Variants in EPS8 observed in about 807,000 individuals in gnomAD.
The protein encoded by EPS8 is EGFR pathway substrate 8, signaling adaptor, also known as epidermal growth factor receptor kinase substrate 8.
In EPS8, 42 loss-of-function variants were observed where a neutral mutation model predicts 103.8. That is an observed-to-expected ratio of 0.40 (90% CI 0.32 to 0.52). EPS8 has a LOEUF of 0.52. EPS8 is among the 20% of genes least tolerant of loss of function. The pLI is 0.40. For missense variants in EPS8, 969 were observed against 1,005.1 expected, an observed-to-expected ratio of 0.96 and a Z score of 0.49; for synonymous variants, 344 against 344.6, an observed-to-expected ratio of 1.00 and a Z score of 0.02.
chr12:15,743,837 G>A (rs1252463343), intron 1 of EPS8, among the ~76,000 whole-genome samples: 3 of 152,138 alleles, frequency 2.0e-5, no homozygotes, highest in African/African-American at 7.2e-5. Context: ...ATACCATTCA[G>A]GCCATAGGCA....
At chr12:15,663,143 T>G (rs1049583987) in intron 8 of EPS8, among the ~76,000 whole-genome samples, 1 of 152,214 alleles carries the variant, frequency 6.6e-6, no homozygotes, top group Non-Finnish European at 1.5e-5. Flanking sequence ...AGCTGCTACC[T>G]TGGTTGTAGT....
chr12:15,676,168 G>T lies in EPS8; in HGVS notation c.136+5058C>A, dbSNP rs1227846689. On this transcript the variant is annotated intron_variant, in intron 3 of 20. Coordinates refer to ENST00000281172, the MANE Select transcript of EPS8 (RefSeq NM_004447.6). ...GGCGCCTGTAGTCCCAGCTACTCAG[G>T]AGGCTGAGACAGGAGAATGGCGTGA... Among the ~76,000 whole-genome samples, 5 of 150,214 alleles carry T rather than the reference G, an allele frequency of 3.3e-5. No individual in the cohort carries two copies. In the East Asian group the frequency reaches 5.9e-4, roughly 18 times the overall value.
intron 6 of EPS8, among the ~76,000 whole-genome samples, chr12:15,668,424 G>A (rs1945754848): frequency 6.6e-6 from 1 of 152,142 alleles, no homozygotes; most frequent in Admixed American, 6.5e-5. Context: ...TCATCAAAAT[G>A]TTAAATCACT....
intron 14 of EPS8, among the ~76,000 whole-genome samples, chr12:15,648,445 AG>A (rs1945357244): frequency 6.6e-6 from 1 of 152,190 alleles, no homozygotes; most frequent in South Asian, 2.1e-4. Flanking sequence ...AGTGATCAGG[AG>A]GAGGGCTGAG....
rs536360163 is a variant in EPS8 at position 15,731,785 on chromosome 12, G to A, written c.-21-48813C>T. Among the ~76,000 whole-genome samples, 2 of 152,154 alleles carry A rather than the reference G, an allele frequency of 1.3e-5. No individual in the cohort carries two copies. Among genetic ancestry groups the A allele is most frequent in the African/African-American group, 2.4e-5 (1 of 41,436 alleles). On this transcript the variant is annotated intron_variant, in intron 1 of 20. Coordinates refer to ENST00000281172, the MANE Select transcript of EPS8 (RefSeq NM_004447.6). The surrounding 1 kb of genome is among the most constrained non-coding windows in gnomAD (Gnocchi z 5.1). Reference sequence around the variant, plus strand: ...AACTGGCAGCAAAAAGCTGTTCAGTGTGCTGTTAGCTAACCCCTACAGCTT... The same window carrying A: ...AACTGGCAGCAAAAAGCTGTTCAGTATGCTGTTAGCTAACCCCTACAGCTT...
rs561852619 is a variant in EPS8, at chr12:15,748,085, T to G, written c.-22+41076A>C. Among the ~76,000 whole-genome samples the G allele has an allele frequency of 1.3e-5, 2 of 152,114 alleles. No individual in the cohort carries two copies. The highest frequency in any genetic ancestry group is 3.9e-4 in the East Asian group (2 of 5,180). On this transcript the variant is annotated intron_variant, in intron 1 of 20. Transcript: ENST00000281172. This position sits in a 1 kb window ranked among gnomAD's most constrained non-coding sequence, Gnocchi z 4.8. ...CATGCATGCAAAAAAGGCAGAGAATTTGCTATCAAAAGGTCTGTGCCAAGC... is the reference window on the plus strand; with the variant it reads ...CATGCATGCAAAAAAGGCAGAGAATGTGCTATCAAAAGGTCTGTGCCAAGC...
chr12:15,635,545 C>T (rs1207570025), intron 17 of EPS8, among the ~76,000 whole-genome samples: 1 of 152,158 alleles, frequency 6.6e-6, no homozygotes, highest in African/African-American at 2.4e-5. Context: ...AATGTCTGTA[C>T]TGAGCTTAAA....
chr12:15,679,935 T>C (rs1047747315), intron 3 of EPS8, among the ~76,000 whole-genome samples: 2 of 152,218 alleles, frequency 1.3e-5, no homozygotes, highest in African/African-American at 4.8e-5. Context: ...ATCTTCAAGT[T>C]ATTCTCCAGA....
chr12:15,692,170 G>A (rs558718768), intron 1 of EPS8, among the ~76,000 whole-genome samples: 1 of 151,960 alleles, frequency 6.6e-6, no homozygotes, highest in East Asian at 1.9e-4. Flanking sequence ...TTTTTATTTT[G>A]GTAGGGCACA....
chr12:15,710,649 C>A (rs1164520251), intron 1 of EPS8, among the ~76,000 whole-genome samples: 4 of 152,128 alleles, frequency 2.6e-5, no homozygotes, highest in African/African-American at 9.7e-5. Context: ...CGTATAATTT[C>A]TTCATGTAGC....
At chr12:15,756,841 C>G (rs1050099097) in intron 1 of EPS8, among the ~76,000 whole-genome samples, 1 of 152,136 alleles carries the variant, frequency 6.6e-6, no homozygotes, top group Admixed American at 6.5e-5. Context: ...GAACGTCTAA[C>G]ATAAGAGTGC....
intron 1 of EPS8, among the ~76,000 whole-genome samples, chr12:15,755,704 C>G (rs1946979698): frequency 6.6e-6 from 1 of 152,128 alleles, no homozygotes; most frequent in South Asian, 2.1e-4. Flanking sequence ...AAACCCACAC[C>G]TCCACTCAAA....
At position 15,781,442 on chromosome 12, in the gene EPS8, T is replaced by C. The variant is rs539396483; in HGVS notation, c.-22+7719A>G. Among the ~76,000 whole-genome samples the C allele has an allele frequency of 2.2e-4, 34 of 152,318 alleles. 2 individuals are homozygous for C. Among genetic ancestry groups the C allele is most frequent in the African/African-American group, 8.2e-4 (34 of 41,568 alleles). On this transcript the variant is annotated intron_variant, in intron 1 of 20. Coordinates refer to ENST00000281172, the MANE Select transcript of EPS8 (RefSeq NM_004447.6). The surrounding 1 kb of genome is among the most constrained non-coding windows in gnomAD (Gnocchi z 4.1). Reference sequence around the variant, plus strand: ...TCCCAATTCGGTCCCTTTCTCCCCATGTGTGACACAAGTCACTTTTTCTTT... The same window carrying C: ...TCCCAATTCGGTCCCTTTCTCCCCACGTGTGACACAAGTCACTTTTTCTTT...
Position 15,777,572 on chromosome 12 carries a change from T to C in EPS8, c.-22+11589A>G, listed in dbSNP as rs1462219622. Among the ~76,000 whole-genome samples the C allele has an allele frequency of 1.3e-5, 2 of 152,236 alleles. No individual in the cohort carries two copies. The highest frequency in any genetic ancestry group is 2.9e-5 in the Non-Finnish European group (2 of 68,040). ...CTAGCAGCCTAAACTTAACCTTCACTGTCATAACCACTATGAATGTCTCTT... is the reference window on the plus strand; with the variant it reads ...CTAGCAGCCTAAACTTAACCTTCACCGTCATAACCACTATGAATGTCTCTT... On this transcript the variant is annotated intron_variant, in intron 1 of 20. Coordinates refer to ENST00000281172, the MANE Select transcript of EPS8 (RefSeq NM_004447.6). This position sits in a 1 kb window ranked among gnomAD's most constrained non-coding sequence, Gnocchi z 4.7.
At chr12:15,758,371 T>C (rs1156509629) in intron 1 of EPS8, among the ~76,000 whole-genome samples, 1 of 152,076 alleles carries the variant, frequency 6.6e-6, no homozygotes, top group African/African-American at 2.4e-5. Flanking sequence ...TGGCCTGAAC[T>C]CCAAAAAATC....
intron 17 of EPS8, among the ~76,000 whole-genome samples, chr12:15,636,424 A>G (rs977860750): frequency 4.6e-5 from 7 of 152,168 alleles, no homozygotes; most frequent in African/African-American, 1.7e-4. Flanking sequence ...TTAGGTGGGA[A>G]TGGTTGTCTT....
chr12:15,783,628 T>G (rs1208795978), intron 1 of EPS8, among the ~76,000 whole-genome samples: 1 of 151,508 alleles, frequency 6.6e-6, no homozygotes, highest in East Asian at 1.9e-4. Flanking sequence ...ATCAAACTAT[T>G]ATTCCCTATG....
chr12:15,726,133 G>A (rs1390347872), intron 1 of EPS8, among the ~76,000 whole-genome samples: 1 of 152,096 alleles, frequency 6.6e-6, no homozygotes, highest in Non-Finnish European at 1.5e-5. Flanking sequence ...GCCTTTGTGG[G>A]GAGCTGATAT....
intron 1 of EPS8, among the ~76,000 whole-genome samples, chr12:15,703,178 G>T (rs1419294352): frequency 1.3e-5 from 2 of 152,078 alleles, no homozygotes; most frequent in Non-Finnish European, 2.9e-5. Flanking sequence ...AATAAATAAA[G>T]AAAAATAAGT....
Sources: allele counts gnomAD v4.1 joint callset (sites outside exome capture counted in the v4.1 genomes callset), GRCh38; gene constraint gnomAD v4.1.1; non-coding constraint Gnocchi (gnomAD v3.1); transcripts MANE v1.5; gene names NCBI Gene and HGNC (gene_info 2026-07-23, HGNC 2026-07-21).